The following NHS variants were observed in gnomAD, a reference collection of about 807,000 sequenced individuals.
NHS encodes NHS actin remodeling regulator.
A neutral mutation model predicts 72.5 loss-of-function variants in NHS; 5 were observed. That is an observed-to-expected ratio of 0.07 (90% CI 0.04 to 0.14). The LOEUF is 0.14. Among genes scored for constraint, NHS ranks in the 10% least tolerant of loss-of-function variants. NHS has a pLI of 1.00. For synonymous variants in NHS, 464 were observed against 547.7 expected (o/e 0.85, Z 2.13); for missense variants, 1,072 against 1,355.7 (o/e 0.79, Z 3.29).
intron 1 of NHS, among the ~76,000 whole-genome samples, chrX:17,413,519 A>G (rs1463599544): frequency 8.9e-6 from 1 of 112,373 alleles, no homozygotes; most frequent in Non-Finnish European, 1.9e-5. Context: ...GCTTGGTTAG[A>G]TTGATTAATC....
intron 1 of NHS, among the ~76,000 whole-genome samples, chrX:17,669,379 C>T (rs2066031008): frequency 8.9e-6 from 1 of 111,940 alleles, no homozygotes; most frequent in Non-Finnish European, 1.9e-5. Flanking sequence ...GTTGCAGGAA[C>T]GAACGTAAGC....
intron 8 of NHS, among the ~76,000 whole-genome samples, chrX:17,730,432 T>G (rs2066479412): frequency 8.9e-6 from 1 of 112,418 alleles, no homozygotes; most frequent in Non-Finnish European, 1.9e-5. Flanking sequence ...CATTGTTAGT[T>G]TGAAAGCCCT....
chrX:17,387,805 C>CTGAT (rs1471818936), intron 1 of NHS, among the ~76,000 whole-genome samples: 21 of 113,104 alleles, frequency 1.9e-4, no homozygotes, highest in African/African-American at 6.4e-4. Flanking sequence ...AAAAGCAGTA[C>CTGAT]TGATTGCATC....
chrX:17,407,472 T>C (rs902022246), intron 1 of NHS, among the ~76,000 whole-genome samples: 1 of 111,697 alleles, frequency 9.0e-6, no homozygotes, highest in Non-Finnish European at 1.9e-5. Context: ...TTTAGGTCTC[T>C]TGAATGAGGC....
rs760865947 is a variant in NHS, at chrX:17,727,116, G to A, written c.3010G>A (p.Asp1004Asn). 2 of 1,211,754 alleles carry A rather than the reference G, an allele frequency of 1.7e-6. No individual in the cohort carries two copies. Among genetic ancestry groups the A allele is most frequent in the Non-Finnish European group, 2.2e-6 (2 of 895,549 alleles). ...CACCACCCCATCTCTTCCTTCTGTT[G>A]ACAATGAGTTTAAACTGGCTTCACC... Reference protein sequence around the residue: ...RATTPSLPSVDNEFKLASPEK... With the variant: ...RATTPSLPSVNNEFKLASPEK... Residue 1004 changes from aspartate (D) to asparagine (N), a missense_variant, in exon 7 of 9, where the codon GAC becomes AAC. Transcript: ENST00000676302.
At chrX:17,633,876 C>T (rs1033756472) in intron 1 of NHS, among the ~76,000 whole-genome samples, 1 of 111,656 alleles carries the variant, frequency 9.0e-6, no homozygotes, top group African/African-American at 3.3e-5. Context: ...GATTGGGGCC[C>T]TGAAGAAGAT....
intron 1 of NHS, among the ~76,000 whole-genome samples, chrX:17,560,519 C>A (rs1175444514): frequency 1.8e-5 from 2 of 112,433 alleles, no homozygotes; most frequent in Non-Finnish European, 3.8e-5. Flanking sequence ...GGAGACCAGG[C>A]AACAGGTACA....
chrX:17,703,842 A>G (rs2066280347), intron 3 of NHS, among the ~76,000 whole-genome samples: 1 of 112,171 alleles, frequency 8.9e-6, no homozygotes, highest in Admixed American at 9.4e-5. Context: ...ACCATGCTGC[A>G]GAGGTGTGAA....
chrX:17,691,509 TC>T (rs1324434666), intron 2 of NHS, among the ~76,000 whole-genome samples: 2 of 111,665 alleles, frequency 1.8e-5, no homozygotes, highest in African/African-American at 6.5e-5. Context: ...TACTATCACA[TC>T]TTCTAGACAC....
chrX:17,536,199 C>CA (rs2065222427), intron 1 of NHS, among the ~76,000 whole-genome samples: 1 of 111,459 alleles, frequency 9.0e-6, no homozygotes, highest in Non-Finnish European at 1.9e-5. Flanking sequence ...GCTAAAAATG[C>CA]AAAAAATTAG....
intron 1 of NHS, among the ~76,000 whole-genome samples, chrX:17,456,178 C>T (rs1289392041): frequency 8.9e-6 from 1 of 111,888 alleles, no homozygotes; most frequent in East Asian, 2.8e-4. Context: ...GAGATCTATG[C>T]ATACAGACAT....
chrX:17,573,179 G>A (rs1416558307), intron 1 of NHS, among the ~76,000 whole-genome samples: 1 of 111,276 alleles, frequency 9.0e-6, no homozygotes, highest in African/African-American at 3.3e-5. Context: ...CTCGAAGAGT[G>A]TCTTTGTCGT....
intron 1 of NHS, among the ~76,000 whole-genome samples, chrX:17,525,502 ATTGCTTGGAATTT>A (rs2065168152): frequency 8.9e-6 from 1 of 111,774 alleles, no homozygotes; most frequent in Admixed American, 9.5e-5. Context: ...AGTGAATGGC[ATTGCTTGGAATTT>A]TGTTTTTTTC....
intron 2 of NHS, among the ~76,000 whole-genome samples, chrX:17,690,378 A>G (rs1000816742): frequency 1.8e-5 from 2 of 112,120 alleles, no homozygotes; most frequent in Non-Finnish European, 3.8e-5. Flanking sequence ...TAGGTTCTCT[A>G]TTTGGACAGC....
chrX:17,679,272 C>A (rs1277101215), intron 1 of NHS, among the ~76,000 whole-genome samples: 1 of 111,620 alleles, frequency 9.0e-6, no homozygotes, highest in Non-Finnish European at 1.9e-5. Flanking sequence ...ATCTAAATGT[C>A]TTCTATTGCA....
intron 1 of NHS, among the ~76,000 whole-genome samples, chrX:17,561,574 G>GCGCACACACACACACACACA (rs879101977): frequency 7.6e-5 from 5 of 65,389 alleles, no homozygotes; most frequent in Admixed American, 1.9e-4. Context: ...GCGCGCGCGC[G>GCGCACACACACACACACACA]CACACACACA....
At chrX:17,488,449 G>A (rs1030527477) in intron 1 of NHS, among the ~76,000 whole-genome samples, 5 of 111,027 alleles carry the variant, frequency 4.5e-5, no homozygotes, top group African/African-American at 1.6e-4. Context: ...GGGTTACAGG[G>A]GTGATGTAGG....
chrX:17,375,628 T>G lies in NHS; in HGVS notation c.-130T>G, dbSNP rs1268432325. The G allele has an allele frequency of 4.7e-6, 3 of 638,543 alleles. No individual in the cohort carries two copies. In the Admixed American group the frequency reaches 8.4e-5, roughly 18 times the overall value. The allele number at this position is 638,543 out of a possible 1,213,427, so 52.6% of individuals were successfully genotyped here. On this transcript the variant is annotated 5_prime_UTR_variant, in exon 1 of 9. Transcript: ENST00000676302. The stretch of plus-strand genomic sequence containing the variant: ...AGGCAAGGTGAGCAGAGAAGCCCCC[T>G]GCGTATCCGGACTGCCAGATCGCGC...
intron 1 of NHS, among the ~76,000 whole-genome samples, chrX:17,652,969 G>C (rs2065937266): frequency 1.8e-5 from 2 of 111,017 alleles, no homozygotes; most frequent in Middle Eastern, 4.7e-3. Context: ...CTCCAACTGG[G>C]CCCAGACTCT....
Sources: gnomAD v4.1 joint callset for allele counts (sites outside exome capture counted in the v4.1 genomes callset) on GRCh38, gnomAD v4.1.1 for gene constraint, MANE v1.5 for transcripts, NCBI Gene and HGNC (gene_info 2026-07-23, HGNC 2026-07-21) for gene names.